Variants in KDELR2 observed in about 807,000 individuals in gnomAD.
KDELR2 encodes the protein ER lumen protein-retaining receptor 2.
Under a neutral mutation model 23.9 loss-of-function variants are expected in KDELR2, and 15 were observed. The ratio of observed to expected loss-of-function variants is 0.63; its 90% confidence interval spans 0.42 to 0.97. The LOEUF (loss-of-function observed/expected upper bound fraction) is 0.97, where lower values mean the gene tolerates loss of function less well. Ranked by LOEUF, KDELR2 falls within the 50% of genes least tolerant of loss-of-function variation. The pLI is 0.00. For missense variants in KDELR2, 272 were observed against 254.6 expected (o/e 1.07, Z -0.46); for synonymous variants, 119 against 106.2 (o/e 1.12, Z -0.74).
intron 4 of KDELR2, among the ~76,000 whole-genome samples, chr7:6,465,068 T>C (rs955987488): frequency 1.4e-5 from 2 of 142,868 alleles, no homozygotes; most frequent in African/African-American, 5.0e-5. Context: ...ATTCCACCAT[T>C]AGGAATTTTA....
chr7:6,466,109 A>C lies in KDELR2; in HGVS notation c.566T>G (p.Ile189Ser). Residue 189 changes from isoleucine (I) to serine (S), a missense_variant, in exon 4 of 5, where the codon ATC becomes AGC. Transcript: ENST00000258739. ...IAVVAGVVQT[I>S]LYCDFFYLYI... ...CAAGTAGAAGAAGTCACAGTATAGG[A>C]TGGTCTGGACTACGCCGGCCACCAC... is the stretch of plus-strand genomic sequence containing the variant. 1 of 1,614,130 alleles carries C rather than the reference A, an allele frequency of 6.2e-7. No individual in the cohort carries two copies. The highest frequency in any genetic ancestry group is 8.5e-7 in the Non-Finnish European group (1 of 1,180,020).
At position 6,461,731 on chromosome 7, in the gene KDELR2, ATAC is replaced by A. The variant is rs1785392702; in HGVS notation, c.*1407_*1409del. The stretch of plus-strand genomic sequence containing the variant: ...AGACGTTGTAATGCAGAAAGCCAAA[ATAC>A]TACATCCTTCTTGTAGTCAGCACTG... On this transcript the variant is annotated 3_prime_UTR_variant, in exon 5 of 5. Coordinates refer to ENST00000258739, the MANE Select transcript of KDELR2 (RefSeq NM_006854.4). 1 of 151,690 alleles carries A rather than the reference ATAC, an allele frequency of 6.6e-6. No individual in the cohort carries two copies. Among genetic ancestry groups the A allele is most frequent in the Non-Finnish European group, 1.5e-5 (1 of 67,998 alleles). The allele number at this position is 151,690 out of a possible 1,614,324, so 9.4% of individuals were successfully genotyped here. A position where few individuals can be genotyped will look rare whatever the true frequency, so the allele number is the denominator to read the frequency against.
At chr7:6,473,474 G>A (rs914493153) in intron 2 of KDELR2, among the ~76,000 whole-genome samples, 1 of 152,104 alleles carries the variant, frequency 6.6e-6, no homozygotes, top group African/African-American at 2.4e-5. Context: ...TGCCACCAGT[G>A]CTACACAAAG....
rs1019632457 is a variant in KDELR2, at chr7:6,462,887, A to T, written c.*254T>A. ...TATCCCAATTGAAGCTACACACTGA[A>T]TTTATTAATACAGCATTAAGTTTCT... On this transcript the variant is annotated 3_prime_UTR_variant, in exon 5 of 5. Coordinates refer to ENST00000258739, the MANE Select transcript of KDELR2 (RefSeq NM_006854.4). 4 of 1,234,196 alleles carry T rather than the reference A, an allele frequency of 3.2e-6. No individual in the cohort carries two copies. The highest frequency in any genetic ancestry group is 4.4e-6 in the Non-Finnish European group (4 of 899,368). The allele number at this position is 1,234,196 out of a possible 1,614,324, so 76.5% of individuals were successfully genotyped here.
intron 3 of KDELR2, among the ~76,000 whole-genome samples, chr7:6,466,970 C>T (rs1299250118): frequency 2.0e-5 from 3 of 152,096 alleles, no homozygotes; most frequent in Non-Finnish European, 4.4e-5. Context: ...TGAACCAGTA[C>T]CAGTCAGTGG....
intron 2 of KDELR2, among the ~76,000 whole-genome samples, chr7:6,472,047 C>T (rs925716376): frequency 2.0e-5 from 3 of 152,172 alleles, no homozygotes; most frequent in African/African-American, 4.8e-5. Flanking sequence ...ATTACAGGCG[C>T]ATGCCGCCAC....
At position 6,462,906 on chromosome 7, in the gene KDELR2, A is replaced by C; in HGVS notation, c.*235T>G. ...CACTGAATTTATTAATACAGCATTA[A>C]GTTTCTTTGTGTAAAAAAATCTTTG... is the stretch of plus-strand genomic sequence containing the variant. On this transcript the variant is annotated 3_prime_UTR_variant, in exon 5 of 5. Coordinates refer to ENST00000258739, the MANE Select transcript of KDELR2 (RefSeq NM_006854.4). 1.5e-6 allele frequency: 2 copies of C among 1,372,764 alleles called. No homozygotes were observed. The highest frequency in any genetic ancestry group is 2.0e-6 in the Non-Finnish European group (2 of 1,006,084). 85.0% of individuals were successfully genotyped at this position (1,372,764 alleles called of 1,614,324 possible).
At chr7:6,477,053 T>C (rs1785768826) in intron 1 of KDELR2, among the ~76,000 whole-genome samples, 1 of 152,230 alleles carries the variant, frequency 6.6e-6, no homozygotes, top group South Asian at 2.1e-4. Context: ...ATTCTCATTT[T>C]GTGGTATTTT....
chr7:6,479,614 C>A (rs1352219949), intron 1 of KDELR2, among the ~76,000 whole-genome samples: 1 of 152,194 alleles, frequency 6.6e-6, no homozygotes, highest in South Asian at 2.1e-4. Context: ...GTAGCTGGGA[C>A]TACAGCCGCC....
In KDELR2 at chr7:6,462,786, T is replaced by C; in HGVS notation, c.*355A>G. On this transcript the variant is annotated 3_prime_UTR_variant, in exon 5 of 5. Coordinates refer to ENST00000258739, the MANE Select transcript of KDELR2 (RefSeq NM_006854.4). ...ACAATTTCATTGCAGACACAAAGAC[T>C]TAAGAGTTTCAAAGAATTTTTTAAA... The C allele has an allele frequency of 1.9e-6, 1 of 528,154 alleles. No individual in the cohort carries two copies. The highest frequency in any genetic ancestry group is 2.9e-5 in the South Asian group (1 of 34,620). The allele number at this position is 528,154 out of a possible 1,614,324, so 32.7% of individuals were successfully genotyped here.
intron 3 of KDELR2, among the ~76,000 whole-genome samples, chr7:6,468,545 G>T (rs1053836846): frequency 2.6e-5 from 4 of 151,674 alleles, no homozygotes; most frequent in Admixed American, 1.3e-4. Flanking sequence ...TCGCTCTGTC[G>T]CCAAGGCTGG....
In KDELR2 at chr7:6,484,133, G is replaced by GCGGCTC; in HGVS notation, c.-77_-76insGAGCCG. The stretch of plus-strand genomic sequence containing the variant: ...CGGCTCAGGAGGCGGCGGCCCCTGA[G>GCGGCTC]AGGAAGCGGCGAAGATGGCGAGATC... On this transcript the variant is annotated 5_prime_UTR_variant, in exon 1 of 5. Coordinates refer to ENST00000258739, the MANE Select transcript of KDELR2 (RefSeq NM_006854.4). The GCGGCTC allele has an allele frequency of 8.6e-7, 1 of 1,158,596 alleles. No individual in the cohort carries two copies. The highest frequency in any genetic ancestry group is 3.3e-5 in the South Asian group (1 of 30,244). 71.8% of individuals were successfully genotyped at this position (1,158,596 alleles called of 1,614,324 possible).
chr7:6,479,971 C>G (rs1785853291), intron 1 of KDELR2, among the ~76,000 whole-genome samples: 1 of 152,204 alleles, frequency 6.6e-6, no homozygotes. Flanking sequence ...ATCTTACCCA[C>G]TATATTACTC....
At position 6,462,928 on chromosome 7, in the gene KDELR2, T is replaced by C; in HGVS notation, c.*213A>G. On this transcript the variant is annotated 3_prime_UTR_variant, in exon 5 of 5. Coordinates refer to ENST00000258739, the MANE Select transcript of KDELR2 (RefSeq NM_006854.4). Reference sequence around the variant, plus strand: ...TTAAGTTTCTTTGTGTAAAAAAATCTTTGTACACAGTAATAAAAAAAGATA... The same window carrying C: ...TTAAGTTTCTTTGTGTAAAAAAATCCTTGTACACAGTAATAAAAAAAGATA... The C allele has an allele frequency of 6.5e-7, 1 of 1,534,970 alleles. No individual in the cohort carries two copies.
At chr7:6,474,636 T>G (rs140606648) in intron 1 of KDELR2, among the ~76,000 whole-genome samples, 207 of 152,308 alleles carry the variant, frequency 1.4e-3, no homozygotes, top group Middle Eastern at 6.8e-3. Flanking sequence ...TCATTTAGTG[T>G]TATAACTTGT....
chr7:6,484,134 AG>A lies in KDELR2; in HGVS notation c.-78del. Reference sequence around the variant, plus strand: ...GGCTCAGGAGGCGGCGGCCCCTGAGAGGAAGCGGCGAAGATGGCGAGATCGC... The same window carrying A: ...GGCTCAGGAGGCGGCGGCCCCTGAGAGAAGCGGCGAAGATGGCGAGATCGC... On this transcript the variant is annotated 5_prime_UTR_variant, in exon 1 of 5. Coordinates refer to ENST00000258739, the MANE Select transcript of KDELR2 (RefSeq NM_006854.4). 8.7e-7 allele frequency: 1 copy of A among 1,146,606 alleles called. No individual in the cohort carries two copies. The highest frequency in any genetic ancestry group is 1.1e-6 in the Non-Finnish European group (1 of 905,258). The allele number at this position is 1,146,606 out of a possible 1,614,324, so 71.0% of individuals were successfully genotyped here. A position where few individuals can be genotyped will look rare whatever the true frequency, so the allele number is the denominator to read the frequency against.
chr7:6,479,758 TGAGCCACCAC>T (rs1242174413), intron 1 of KDELR2, among the ~76,000 whole-genome samples: 11 of 152,214 alleles, frequency 7.2e-5, no homozygotes, highest in Admixed American at 7.2e-4. Flanking sequence ...ATTACAGGCG[TGAGCCACCAC>T]GCCCAGCCAA....
intron 1 of KDELR2, among the ~76,000 whole-genome samples, chr7:6,483,527 G>A (rs1037790074): frequency 6.6e-6 from 1 of 152,148 alleles, no homozygotes; most frequent in Non-Finnish European, 1.5e-5. Flanking sequence ...AGGCGCAGCC[G>A]GCCACGATCC....
At chr7:6,483,824 G>T in intron 1 of KDELR2, 143 bp downstream of exon 1, 1 of 526,834 alleles carries the variant, frequency 1.9e-6, no homozygotes, top group Non-Finnish European at 2.8e-6. Flanking sequence ...TGCCCCCCGG[G>T]TCCGGGCACC....
Sources: allele counts gnomAD v4.1 joint callset (sites outside exome capture counted in the v4.1 genomes callset), GRCh38; gene constraint gnomAD v4.1.1; transcripts MANE v1.5; gene names NCBI Gene and HGNC (gene_info 2026-07-23, HGNC 2026-07-21).